KALRN: variants seen among roughly 807,000 people sequenced by gnomAD.
KALRN encodes the protein kalirin RhoGEF kinase.
Under a neutral mutation model 353.7 loss-of-function variants are expected in KALRN, and 70 were observed. The ratio of observed to expected loss-of-function variants is 0.20; its 90% CI spans 0.16 to 0.24. KALRN has a LOEUF of 0.24. Among genes scored for constraint, KALRN ranks in the 10% least tolerant of loss-of-function variants. KALRN has a pLI of 1.00. For synonymous variants in KALRN, 1,391 were observed against 1,434.8 expected (o/e 0.97, Z 0.69); for missense variants, 2,791 against 3,756.7 (o/e 0.74, Z 6.72).
intron 1 of KALRN, among the ~76,000 whole-genome samples, chr3:124,137,550 C>T (rs2066074906): frequency 6.6e-6 from 1 of 152,148 alleles, no homozygotes; most frequent in Admixed American, 6.5e-5. Flanking sequence ...TCCTTGTTTG[C>T]TGTTCCCTCT....
intron 5 of KALRN, among the ~76,000 whole-genome samples, chr3:124,292,342 G>T (rs1031970420): frequency 3.3e-5 from 5 of 152,194 alleles, no homozygotes; most frequent in Non-Finnish European, 5.9e-5. Flanking sequence ...AGGAGGGATT[G>T]CATGAAAAAT....
intron 34 of KALRN, among the ~76,000 whole-genome samples, chr3:124,611,501 A>C (rs1033257851): frequency 4.6e-5 from 7 of 152,302 alleles, no homozygotes; most frequent in African/African-American, 7.2e-5. Context: ...GTTTCTCCCC[A>C]TATCTGTTAC....
In KALRN at chr3:124,334,840, G is replaced by T. The variant is rs2080963943; in HGVS notation, c.1647+345G>T. Among the ~76,000 whole-genome samples the T allele has an allele frequency of 6.6e-6, 1 of 152,184 alleles. No homozygotes were observed. The highest frequency in any genetic ancestry group is 2.4e-5 in the African/African-American group (1 of 41,444). On this transcript the variant is annotated intron_variant, in intron 9 of 59. Transcript: ENST00000682506. The surrounding 1 kb of genome is among the most constrained non-coding windows in gnomAD (Gnocchi z 4.2). ...AACAGAGTCTCGCTCTGCCGCCTGG[G>T]CTGGAGTATAGTGGTGTGATCTTGG...
intron 33 of KALRN, among the ~76,000 whole-genome samples, chr3:124,501,537 C>T (rs1172178026): frequency 6.6e-6 from 1 of 152,252 alleles, no homozygotes; most frequent in East Asian, 1.9e-4. Context: ...TGCAGTGTCA[C>T]TGCTGCTTTA....
At chr3:124,479,909 G>C (rs1182522228) in intron 27 of KALRN, among the ~76,000 whole-genome samples, 1 of 151,972 alleles carries the variant, frequency 6.6e-6, no homozygotes, top group Non-Finnish European at 1.5e-5. Flanking sequence ...ATTTCTAGTA[G>C]AGACAGGGTT....
At chr3:124,687,588 A>G (rs1032477270) in intron 51 of KALRN, among the ~76,000 whole-genome samples, 1 of 151,378 alleles carries the variant, frequency 6.6e-6, no homozygotes, top group African/African-American at 2.4e-5. Flanking sequence ...TAAAACAATC[A>G]ATGTACTTGA....
intron 1 of KALRN, among the ~76,000 whole-genome samples, chr3:124,189,117 C>T (rs913744642): frequency 1.3e-5 from 2 of 152,148 alleles, no homozygotes; most frequent in African/African-American, 4.8e-5. Flanking sequence ...GAAAGATAAT[C>T]TGGAACAAAA....
chr3:124,308,287 T>C (rs912201907), intron 6 of KALRN, among the ~76,000 whole-genome samples: 4 of 151,946 alleles, frequency 2.6e-5, no homozygotes, highest in African/African-American at 9.6e-5. Flanking sequence ...ATAGAATACC[T>C]AAACAAAGAA....
rs758738606 is a variant in KALRN, at chr3:124,432,714, G to A, written c.2830-1593G>A. 2.0e-5 allele frequency among the ~76,000 whole-genome samples: 3 copies of A among 152,168 alleles called. 1 individual carries two copies. The highest frequency in any genetic ancestry group is 7.2e-5 in the African/African-American group (3 of 41,440). On this transcript the variant is annotated intron_variant, in intron 16 of 59. Coordinates refer to ENST00000682506, the MANE Select transcript of KALRN (RefSeq NM_001388419.1). Reference sequence around the variant, plus strand: ...TGAAATGACTATATTCCACATGACTGCATATGCAATATGTATTCATTTGTG... The same window carrying A: ...TGAAATGACTATATTCCACATGACTACATATGCAATATGTATTCATTTGTG...
chr3:124,509,677 C>G (rs1301208114), intron 33 of KALRN, among the ~76,000 whole-genome samples: 5 of 152,172 alleles, frequency 3.3e-5, no homozygotes, highest in Admixed American at 3.3e-4. Flanking sequence ...ACATTTCACT[C>G]TATACATTAT....
At chr3:124,429,703 T>C (rs2093186404) in intron 15 of KALRN, among the ~76,000 whole-genome samples, 1 of 152,210 alleles carries the variant, frequency 6.6e-6, no homozygotes. Context: ...TCTTCTTCTA[T>C]CCTAATATTC....
At chr3:124,103,618 G>A (rs1322724855) in intron 1 of KALRN, among the ~76,000 whole-genome samples, 5 of 152,236 alleles carry the variant, frequency 3.3e-5, no homozygotes, top group South Asian at 2.1e-4. Flanking sequence ...GTGTAAGCTC[G>A]CTGCCCTTAG....
intron 16 of KALRN, among the ~76,000 whole-genome samples, chr3:124,433,158 T>G (rs770099343): frequency 6.6e-6 from 1 of 152,100 alleles, no homozygotes; most frequent in Non-Finnish European, 1.5e-5. Flanking sequence ...ACAATGATTG[T>G]TGGTGGGGAG....
rs2108976320 is a variant in KALRN, at chr3:124,518,647, C to A, written c.4935+22234C>A. The A allele has an allele frequency of 2.1e-6, 3 of 1,455,046 alleles. No homozygotes were observed. The East Asian group carries it at 7.5e-5, about 36-fold the overall frequency. 90.1% of individuals were successfully genotyped at this position (1,455,046 alleles called of 1,614,324 possible). ...TCTCCCCGCCTGGGCCATGGGCTCACCCTCGGGGCTCCCTTCTTCTCTACT... is the reference window on the plus strand; with the variant it reads ...TCTCCCCGCCTGGGCCATGGGCTCAACCTCGGGGCTCCCTTCTTCTCTACT... On this transcript the variant is annotated intron_variant, in intron 33 of 59. Coordinates refer to ENST00000682506, the MANE Select transcript of KALRN (RefSeq NM_001388419.1).
chr3:124,270,367 A>T (rs1345454182), intron 5 of KALRN, among the ~76,000 whole-genome samples: 1 of 152,182 alleles, frequency 6.6e-6, no homozygotes, highest in Non-Finnish European at 1.5e-5. Flanking sequence ...TATAAGTGTG[A>T]TCCCAATTTA....
At chr3:124,319,344 A>T (rs2079094253) in intron 6 of KALRN, among the ~76,000 whole-genome samples, 1 of 151,578 alleles carries the variant, frequency 6.6e-6, no homozygotes. Context: ...AAAGTTAAAA[A>T]TACCAATAAA....
chr3:124,355,392 AATTGT>A (rs2083278530), intron 10 of KALRN, among the ~76,000 whole-genome samples: 1 of 152,210 alleles, frequency 6.6e-6, no homozygotes, highest in African/African-American at 2.4e-5. Flanking sequence ...AATACACCAC[AATTGT>A]TGGAAGGCTA....
chr3:124,306,001 C>A (rs186648228), intron 6 of KALRN, among the ~76,000 whole-genome samples: 1 of 152,042 alleles, frequency 6.6e-6, no homozygotes, highest in Admixed American at 6.5e-5. Context: ...AAAAACAAAC[C>A]ATAGTTGAAG....
intron 48 of KALRN, among the ~76,000 whole-genome samples, chr3:124,673,757 T>C (rs2086808006): frequency 1.3e-5 from 2 of 152,054 alleles, no homozygotes; most frequent in African/African-American, 4.8e-5. Flanking sequence ...GAAAAGGTCA[T>C]GGGCAGCATC....
Sources: gnomAD v4.1 joint callset for allele counts (sites outside exome capture counted in the v4.1 genomes callset) on GRCh38, gnomAD v4.1.1 for gene constraint, Gnocchi (gnomAD v3.1) non-coding constraint, MANE v1.5 for transcripts, NCBI Gene and HGNC (gene_info 2026-07-23, HGNC 2026-07-21) for gene names.